NXPH1: variants seen among roughly 807,000 people sequenced by gnomAD.
The protein encoded by NXPH1 is neurexophilin-1.
NXPH1 carries 5 observed loss-of-function variants against 23.7 expected under a neutral mutation model. The observed-to-expected ratio is 0.21, with a 90% confidence interval of 0.11 to 0.44. The LOEUF (loss-of-function observed/expected upper bound fraction) is 0.44, where lower values mean the gene tolerates loss of function less well. Ranked by LOEUF, NXPH1 falls within the 20% of genes least tolerant of loss-of-function variation. The probability of loss-of-function intolerance (pLI) is 0.99; values close to 1 mark genes in which losing one functional copy is unlikely to be tolerated. For missense variants in NXPH1, 324 were observed against 321.6 expected (o/e 1.01, Z -0.06); for synonymous variants, 144 against 122.2 (o/e 1.18, Z -1.18).
At chr7:8,564,936 C>A (rs905824457) in intron 2 of NXPH1, among the ~76,000 whole-genome samples, 6 of 151,744 alleles carry the variant, frequency 4.0e-5, no homozygotes, top group Admixed American at 1.3e-4. Flanking sequence ...TCTATTGAAT[C>A]TTTTTCTCTT....
intron 2 of NXPH1, among the ~76,000 whole-genome samples, chr7:8,747,143 G>T (rs550657762): frequency 1.3e-5 from 2 of 152,128 alleles, no homozygotes; most frequent in Non-Finnish European, 2.9e-5. Flanking sequence ...TTCCCTAGAA[G>T]AGAGAAACAG....
intron 2 of NXPH1, among the ~76,000 whole-genome samples, chr7:8,610,172 G>T (rs1312601785): frequency 1.3e-5 from 2 of 152,102 alleles, no homozygotes; most frequent in Non-Finnish European, 2.9e-5. Flanking sequence ...TTAGAGATAT[G>T]ATTCCAATTA....
chr7:8,634,699 A>T (rs1820192069), intron 2 of NXPH1, among the ~76,000 whole-genome samples: 1 of 118,096 alleles, frequency 8.5e-6, no homozygotes, highest in Admixed American at 8.8e-5. Context: ...TTTTTTTCCA[A>T]AGAGCAGCCT....
intron 2 of NXPH1, among the ~76,000 whole-genome samples, chr7:8,747,684 A>C (rs1780494169): frequency 6.6e-6 from 1 of 152,224 alleles, no homozygotes; most frequent in Non-Finnish European, 1.5e-5. Flanking sequence ...CTGAGGCATA[A>C]ATGTAGGAAC....
chr7:8,650,293 AG>A (rs1248679677), intron 2 of NXPH1, among the ~76,000 whole-genome samples: 1 of 152,212 alleles, frequency 6.6e-6, no homozygotes, highest in African/African-American at 2.4e-5. Context: ...AAAGTTTTCA[AG>A]ATTGCTTAGG....
intron 2 of NXPH1, among the ~76,000 whole-genome samples, chr7:8,541,248 A>T (rs1283224664): frequency 6.6e-6 from 1 of 151,740 alleles, no homozygotes; most frequent in Non-Finnish European, 1.5e-5. Context: ...AACTCTGGAA[A>T]AGATGAATAA....
chr7:8,736,957 T>TC lies in NXPH1; in HGVS notation c.55-14051_55-14050insC, dbSNP rs561237227. Among the ~76,000 whole-genome samples, 233 of 145,398 alleles carry TC rather than the reference T, an allele frequency of 1.6e-3. 2 individuals are homozygous for TC. The highest frequency in any genetic ancestry group is 3.9e-3 in the South Asian group (18 of 4,648). ...GAGACTAGGATTGCAACCCCTACCT[T>TC]TTTTTTTTTATGCTTTCCATTTGCT... On this transcript the variant is annotated intron_variant, in intron 2 of 2. Coordinates refer to ENST00000405863, the MANE Select transcript of NXPH1 (RefSeq NM_152745.3).
intron 2 of NXPH1, among the ~76,000 whole-genome samples, chr7:8,508,433 T>C (rs569083524): frequency 6.6e-6 from 1 of 152,260 alleles, no homozygotes; most frequent in African/African-American, 2.4e-5. Context: ...ATCTGTCGCA[T>C]ATATCTGTAA....
rs1819157677 is a variant in NXPH1, at chr7:8,593,852, C to G, written c.55-157156C>G. The stretch of plus-strand genomic sequence containing the variant: ...AGACATTTTCCATAGATTGGAAGAT[C>G]CAAAATGTACCTTGGTTTGGTAAAA... On this transcript the variant is annotated intron_variant, in intron 2 of 2. Coordinates refer to ENST00000405863, the MANE Select transcript of NXPH1 (RefSeq NM_152745.3). Among the ~76,000 whole-genome samples, 4 of 151,998 alleles carry G rather than the reference C, an allele frequency of 2.6e-5. No homozygotes were observed. The South Asian group carries it at 6.2e-4, about 24-fold the overall frequency.
intron 2 of NXPH1, among the ~76,000 whole-genome samples, chr7:8,538,643 G>A (rs1011987953): frequency 1.3e-5 from 2 of 151,932 alleles, no homozygotes; most frequent in Admixed American, 6.6e-5. Context: ...TCCCCCACGT[G>A]CTAAGTGGCA....
chr7:8,652,760 GC>G (rs1820509454), intron 2 of NXPH1, among the ~76,000 whole-genome samples: 2 of 152,076 alleles, frequency 1.3e-5, no homozygotes, highest in Admixed American at 6.6e-5. Flanking sequence ...CAGAGGTGAT[GC>G]TTTTTATCCT....
chr7:8,506,500 G>T (rs1431487542), intron 2 of NXPH1, among the ~76,000 whole-genome samples: 1 of 152,026 alleles, frequency 6.6e-6, no homozygotes, highest in African/African-American at 2.4e-5. Context: ...ACCTACCTTT[G>T]GTTGCTTACT....
intron 2 of NXPH1, among the ~76,000 whole-genome samples, chr7:8,545,458 G>A (rs914114135): frequency 1.1e-4 from 17 of 151,362 alleles, no homozygotes; most frequent in African/African-American, 4.1e-4. Flanking sequence ...ACCTAATCAG[G>A]AAATACTGTC....
chr7:8,746,353 G>T lies in NXPH1; in HGVS notation c.55-4655G>T, dbSNP rs144363253. ...TTAATGATGATTACAGCTGAAACCT[G>T]CTTTGATTCTTTACCCACACTGAGA... is the stretch of plus-strand genomic sequence containing the variant. On this transcript the variant is annotated intron_variant, in intron 2 of 2. Coordinates refer to ENST00000405863, the MANE Select transcript of NXPH1 (RefSeq NM_152745.3). Among the ~76,000 whole-genome samples, 698 of 152,266 alleles carry T rather than the reference G, an allele frequency of 4.6e-3. 2 individuals are homozygous for T. Among genetic ancestry groups the T allele is most frequent in the Non-Finnish European group, 8.0e-3 (541 of 67,988 alleles).
chr7:8,655,396 GTCTTTCTCTCTCTCTCTCTCTCTCTC>G (rs1562444240), intron 2 of NXPH1, among the ~76,000 whole-genome samples: 5 of 139,212 alleles, frequency 3.6e-5, no homozygotes, highest in African/African-American at 8.4e-5. Context: ...CTTTGTCTTT[GTCTTTCTCTCTCTCTCTCTCTCTCTC>G]TCTCTCTCTC....
chr7:8,740,421 C>G (rs1780342011), intron 2 of NXPH1, among the ~76,000 whole-genome samples: 1 of 152,104 alleles, frequency 6.6e-6, no homozygotes, highest in South Asian at 2.1e-4. Flanking sequence ...TTTGTCTTCA[C>G]AAAAACCCAA....
At chr7:8,438,139 G>A (rs1302659616) in intron 2 of NXPH1, among the ~76,000 whole-genome samples, 1 of 152,196 alleles carries the variant, frequency 6.6e-6, no homozygotes, top group Admixed American at 6.5e-5. Flanking sequence ...AGGGTGAATT[G>A]GGCAGTCATT....
At chr7:8,616,148 C>G (rs557220003) in intron 2 of NXPH1, among the ~76,000 whole-genome samples, 44 of 152,110 alleles carry the variant, frequency 2.9e-4, no homozygotes, top group Middle Eastern at 6.8e-3. Flanking sequence ...CTCCTGCTAC[C>G]TTTCTGACCT....
intron 2 of NXPH1, among the ~76,000 whole-genome samples, chr7:8,654,886 T>TG (rs769206189): frequency 2.6e-5 from 4 of 152,092 alleles, no homozygotes; most frequent in Non-Finnish European, 5.9e-5. Context: ...AGATTCTTCC[T>TG]GGGGGTAAAG....
Sources: allele counts gnomAD v4.1 joint callset (sites outside exome capture counted in the v4.1 genomes callset), GRCh38; gene constraint gnomAD v4.1.1; transcripts MANE v1.5; gene names NCBI Gene and HGNC (gene_info 2026-07-23, HGNC 2026-07-21).